The following RGL1 variants were observed in gnomAD, a reference collection of about 807,000 sequenced individuals.
RGL1 encodes ral guanine nucleotide dissociation stimulator-like 1.
Under a neutral mutation model 95.2 loss-of-function variants are expected in RGL1, and 24 were observed. That is an observed-to-expected ratio of 0.25 (90% confidence interval 0.18 to 0.35). The LOEUF (loss-of-function observed/expected upper bound fraction) is 0.35, where lower values mean the gene tolerates loss of function less well. Among genes scored for constraint, RGL1 ranks in the 10% least tolerant of loss-of-function variants. RGL1 has a pLI of 1.00. For synonymous variants in RGL1, 329 were observed against 344.9 expected (o/e 0.95, Z 0.51); for missense variants, 715 against 936.3 (o/e 0.76, Z 3.08).
At chr1:183,645,240 A>C (rs1281489012) in intron 1 of RGL1, among the ~76,000 whole-genome samples, 1 of 152,170 alleles carries the variant, frequency 6.6e-6, no homozygotes, top group Non-Finnish European at 1.5e-5. Context: ...AAATCAGTAC[A>C]TTAGTTTTTT....
At chr1:183,695,215 T>C (rs1211558904) in intron 1 of RGL1, among the ~76,000 whole-genome samples, 1 of 152,252 alleles carries the variant, frequency 6.6e-6, no homozygotes, top group Admixed American at 6.5e-5. Flanking sequence ...AAGTCCTTGA[T>C]AGGAGCTCTG....
chr1:183,887,590 C>G (rs1354650201), intron 7 of RGL1, among the ~76,000 whole-genome samples: 3 of 152,050 alleles, frequency 2.0e-5, no homozygotes, highest in Non-Finnish European at 4.4e-5. Context: ...AAGGCCTGGT[C>G]CAGTCTCCTC....
chr1:183,647,538 G>T, intron 1 of RGL1: 1 of 1,315,432 alleles, frequency 7.6e-7, no homozygotes, highest in Non-Finnish European at 1.0e-6. Flanking sequence ...TAGTTGATAT[G>T]GTAAATAATT....
chr1:183,652,013 T>C (rs1650793286), intron 1 of RGL1, among the ~76,000 whole-genome samples: 2 of 152,376 alleles, frequency 1.3e-5, no homozygotes, highest in Middle Eastern at 3.4e-3. Context: ...TCCAGGTTAC[T>C]GCTCAGATTA....
chr1:183,648,366 T>C, intron 1 of RGL1: 1 of 1,614,252 alleles, frequency 6.2e-7, no homozygotes, highest in Non-Finnish European at 8.5e-7. Flanking sequence ...CAGGAAATTA[T>C]ACATTTTGCT....
chr1:183,766,962 T>A (rs756614671), intron 2 of RGL1, among the ~76,000 whole-genome samples: 1 of 152,052 alleles, frequency 6.6e-6, no homozygotes, highest in African/African-American at 2.4e-5. Flanking sequence ...ACCCCTGTAA[T>A]CCTAGCACTT....
chr1:183,702,769 G>T (rs1309388600), intron 1 of RGL1, among the ~76,000 whole-genome samples: 4 of 152,190 alleles, frequency 2.6e-5, no homozygotes, highest in African/African-American at 9.6e-5. Context: ...TGAATTGTCA[G>T]AATTGTAAGG....
chr1:183,819,697 A>G (rs886165220), intron 2 of RGL1, among the ~76,000 whole-genome samples: 1 of 151,972 alleles, frequency 6.6e-6, no homozygotes, highest in Non-Finnish European at 1.5e-5. Context: ...TCGGTGTTCA[A>G]TGGCATAAAT....
intron 1 of RGL1, among the ~76,000 whole-genome samples, chr1:183,805,972 T>C (rs75674029): frequency 7.1e-5 from 1 of 14,120 alleles, no homozygotes; most frequent in East Asian, 2.1e-3. Context: ...TTTTCTTTTC[T>C]TTTTTTTTTT....
chr1:183,768,664 G>T (rs1468880302), intron 2 of RGL1, among the ~76,000 whole-genome samples: 2 of 151,728 alleles, frequency 1.3e-5, no homozygotes, highest in Non-Finnish European at 2.9e-5. Flanking sequence ...TAGAGATGAG[G>T]TCTTACTATG....
At chr1:183,885,819 A>C (rs1188165553) in intron 7 of RGL1, among the ~76,000 whole-genome samples, 3 of 152,300 alleles carry the variant, frequency 2.0e-5, no homozygotes, top group African/African-American at 7.2e-5. Context: ...ATGGGAGATA[A>C]GCACTGTAAA....
chr1:183,779,726 T>C (rs1000648332), intron 2 of RGL1, among the ~76,000 whole-genome samples: 2 of 152,076 alleles, frequency 1.3e-5, no homozygotes, highest in African/African-American at 2.4e-5. Flanking sequence ...GGTTTGTGGA[T>C]TGTGTTGGAA....
chr1:183,804,158 C>T (rs569709354), upstream of RGL1, among the ~76,000 whole-genome samples: 1 of 151,904 alleles, frequency 6.6e-6, no homozygotes, highest in South Asian at 2.1e-4. Flanking sequence ...TTAACCAAAA[C>T]CCAGGCTTAT....
intron 4 of RGL1, among the ~76,000 whole-genome samples, chr1:183,872,332 T>C (rs1666230489): frequency 6.6e-6 from 1 of 152,208 alleles, no homozygotes; most frequent in African/African-American, 2.4e-5. Flanking sequence ...TATATATAAC[T>C]TTATTTAAAG....
At chr1:183,881,091 G>T (rs546271317) in intron 5 of RGL1, among the ~76,000 whole-genome samples, 2 of 152,250 alleles carry the variant, frequency 1.3e-5, no homozygotes, top group Admixed American at 6.5e-5. Context: ...GTAATTTCCT[G>T]GGGTTTCTTC....
At chr1:183,785,335 C>T (rs779996309) in intron 2 of RGL1, among the ~76,000 whole-genome samples, 1 of 152,170 alleles carries the variant, frequency 6.6e-6, no homozygotes, top group Non-Finnish European at 1.5e-5. Flanking sequence ...GCCATTCCTT[C>T]GCTTGAACTG....
intron 1 of RGL1, chr1:183,648,846 C>T (rs551756459): frequency 4.4e-5 from 59 of 1,350,186 alleles, no homozygotes; most frequent in East Asian, 1.2e-4. Flanking sequence ...ATAAAACCAG[C>T]GCAGGAAAAA....
At chr1:183,659,854 A>C (rs1651478335) in intron 1 of RGL1, among the ~76,000 whole-genome samples, 1 of 150,736 alleles carries the variant, frequency 6.6e-6, no homozygotes, top group Non-Finnish European at 1.5e-5. Flanking sequence ...CTAACAGTGG[A>C]TCTCTCGGCA....
At chr1:183,719,035 A>G (rs1179493143) in intron 1 of RGL1, among the ~76,000 whole-genome samples, 1 of 152,254 alleles carries the variant, frequency 6.6e-6, no homozygotes, top group Non-Finnish European at 1.5e-5. Flanking sequence ...TAAGGGCTGA[A>G]CAATGTTTTC....
Sources: gnomAD v4.1 joint callset for allele counts (sites outside exome capture counted in the v4.1 genomes callset) on GRCh38, gnomAD v4.1.1 for gene constraint, MANE v1.5 for transcripts, NCBI Gene and HGNC (gene_info 2026-07-23, HGNC 2026-07-21) for gene names.